PDE6G: variants seen among roughly 807,000 people sequenced by gnomAD.
The protein encoded by PDE6G is phosphodiesterase 6G, also known as rod cGMP 3',5'-cyclic phosphodiesterase subunit gamma.
A neutral mutation model predicts 10.9 loss-of-function variants in PDE6G; 10 were observed. That is an observed-to-expected ratio of 0.91 (90% CI 0.56 to 1.55). The LOEUF (loss-of-function observed/expected upper bound fraction) is 1.55. Among genes scored for constraint, PDE6G ranks in the 40% most tolerant of loss-of-function variants. The pLI is 0.00. For synonymous variants in PDE6G, 41 were observed against 42.8 expected, an observed-to-expected ratio of 0.96 and a Z score of 0.16; for missense variants, 102 against 110.1, an observed-to-expected ratio of 0.93 and a Z score of 0.33.
At chr17:81,660,800 G>A (rs1484122616), upstream of PDE6G, among the ~76,000 whole-genome samples, 1 of 152,182 alleles carries the variant, frequency 6.6e-6, no homozygotes, top group South Asian at 2.1e-4. Flanking sequence ...CCGGACATAC[G>A]TAGTTTTTTG....
In PDE6G at chr17:81,653,330, G is replaced by A; in HGVS notation, c.-25C>T. ...TGGTGAGGCTGACGGAGACACCGCGGCAACCTTGGCTCCTGGACTCCCTCC... is the reference window on the plus strand; with the variant it reads ...TGGTGAGGCTGACGGAGACACCGCGACAACCTTGGCTCCTGGACTCCCTCC... On this transcript the variant is annotated 5_prime_UTR_variant, in exon 2 of 4. Coordinates refer to ENST00000331056, the MANE Select transcript of PDE6G (RefSeq NM_002602.4). This position sits in a 1 kb window ranked among gnomAD's most constrained non-coding sequence, Gnocchi z 5.2. 1 of 1,609,102 alleles carries A rather than the reference G, an allele frequency of 6.2e-7. No homozygotes were observed.
upstream of PDE6G, among the ~76,000 whole-genome samples, chr17:81,657,707 C>G (rs529460052): frequency 8.9e-4 from 135 of 151,678 alleles, no homozygotes; most frequent in Non-Finnish European, 7.1e-4. Context: ...GGTGAAACCC[C>G]GACTCTACTA....
upstream of PDE6G, among the ~76,000 whole-genome samples, chr17:81,658,033 C>A (rs1205617390): frequency 6.6e-6 from 1 of 150,444 alleles, no homozygotes; most frequent in Non-Finnish European, 1.5e-5. Flanking sequence ...GAGACCCCCC[C>A]ATCTCTACAA....
At chr17:81,655,059 C>T (rs927221282) in intron 1 of PDE6G, among the ~76,000 whole-genome samples, 1 of 152,136 alleles carries the variant, frequency 6.6e-6, no homozygotes, top group Non-Finnish European at 1.5e-5. Flanking sequence ...GCCCGGCCAA[C>T]CCCTCTGATT....
upstream of PDE6G, among the ~76,000 whole-genome samples, chr17:81,657,876 G>A (rs2036468158): frequency 6.8e-6 from 1 of 147,126 alleles, no homozygotes. Context: ...GCGAGATTCT[G>A]TTTCAAATGA....
Position 81,653,807 on chromosome 17 carries a change from T to G in PDE6G, c.-59-443A>C, listed in dbSNP as rs373784554. On this transcript the variant is annotated intron_variant, in intron 1 of 3. Transcript: ENST00000331056. The surrounding 1 kb of genome is among the most constrained non-coding windows in gnomAD (Gnocchi z 5.2). ...GCATTTAACTGCTACTCTGGGTTTT[T>G]TTTTGTTTTGTTTTGTTTTTGAGAC... is the stretch of plus-strand genomic sequence containing the variant. The G allele has an allele frequency of 2.7e-4, 45 of 164,400 alleles. No individual in the cohort carries two copies. Among genetic ancestry groups the G allele is most frequent in the South Asian group, 4.8e-4 (3 of 6,282 alleles). 10.2% of individuals were successfully genotyped at this position (164,400 alleles called of 1,614,324 possible).
rs745809729 is a variant in PDE6G at position 81,653,252 on chromosome 17, C to T, written c.54G>A (p.Gly18=). Residue 18 remains glycine (G), a synonymous_variant, in exon 2 of 4, where the codon GGG becomes GGA. Transcript: ENST00000331056. The surrounding 1 kb of genome is among the most constrained non-coding windows in gnomAD (Gnocchi z 5.2). ...AEFRSATRVA[G]GPVTPRKGPP... is the part of the protein sequence containing the mutation. The stretch of plus-strand genomic sequence containing the variant: ...GCCCTTTCCTGGGGGTGACAGGTCC[C>T]CCGGCCACCCTGGTGGCTGACCGGA... 3 of 1,614,076 alleles carry T rather than the reference C, an allele frequency of 1.9e-6. No individual in the cohort carries two copies. The highest frequency in any genetic ancestry group is 1.1e-5 in the South Asian group (1 of 91,074).
At chr17:81,652,518 C>A (rs942836388) in intron 2 of PDE6G, among the ~76,000 whole-genome samples, 32 of 152,086 alleles carry the variant, frequency 2.1e-4, no homozygotes, top group African/African-American at 7.5e-4. Flanking sequence ...ACCTCGTGAT[C>A]CGCCCGCCTC....
chr17:81,660,085 CAAAAAAAGAAAAG>C (rs368512366), upstream of PDE6G, among the ~76,000 whole-genome samples: 14,561 of 151,434 alleles, frequency 0.096, 909 homozygotes, highest in Middle Eastern at 0.19. Flanking sequence ...AACTTCATCT[CAAAAAAAGAAAAG>C]AAAAAAAGAA....
chr17:81,652,090 G>A (rs572604659), intron 2 of PDE6G, among the ~76,000 whole-genome samples: 12 of 152,276 alleles, frequency 7.9e-5, no homozygotes, highest in African/African-American at 2.6e-4. Context: ...TGTCATGCCC[G>A]TGTGTGCGCA....
At chr17:81,659,743 A>T, upstream of PDE6G, among the ~76,000 whole-genome samples, 1 of 152,172 alleles carries the variant, frequency 6.6e-6, no homozygotes, top group East Asian at 1.9e-4. Flanking sequence ...TACCAGGTAC[A>T]ATTTTAGCCC....
At chr17:81,659,903 A>G (rs1160772591), upstream of PDE6G, among the ~76,000 whole-genome samples, 1 of 152,114 alleles carries the variant, frequency 6.6e-6, no homozygotes, top group Non-Finnish European at 1.5e-5. Flanking sequence ...CCTGACCAAC[A>G]TGGAGAAGAC....
chr17:81,651,799 A>G lies in PDE6G; in HGVS notation c.147-114T>C. On this transcript the variant is annotated intron_variant, in intron 2 of 3. Transcript: ENST00000331056. This position sits in a 1 kb window ranked among gnomAD's most constrained non-coding sequence, Gnocchi z 4.8. ...AGATGAGGTGTTTGGCTGGGAGCCC[A>G]GTGGGCAGAGACCCGCCTCCTCCCC... 1.7e-6 allele frequency: 2 copies of G among 1,183,676 alleles called. No individual in the cohort carries two copies. The allele number at this position is 1,183,676 out of a possible 1,614,324, so 73.3% of individuals were successfully genotyped here. A position where few individuals can be genotyped will look rare whatever the true frequency, so the allele number is the denominator to read the frequency against.
rs556349013 is a variant in PDE6G, at chr17:81,655,650, C to T, written c.-60+843G>A. On this transcript the variant is annotated intron_variant, in intron 1 of 3. Transcript: ENST00000331056. Reference sequence around the variant, plus strand: ...TAATCTCCCATCGAGCTGCTGTCAGCTGCACATGCTGCCGGAAAGTTCTGG... The same window carrying T: ...TAATCTCCCATCGAGCTGCTGTCAGTTGCACATGCTGCCGGAAAGTTCTGG... Among the ~76,000 whole-genome samples the T allele has an allele frequency of 4.7e-4, 71 of 152,368 alleles. No homozygotes were observed. In the East Asian group the frequency reaches 5.2e-3, roughly 11 times the overall value.
At position 81,651,982 on chromosome 17, in the gene PDE6G, G is replaced by C. The variant is rs1471088900; in HGVS notation, c.147-297C>G. On this transcript the variant is annotated intron_variant, in intron 2 of 3. Coordinates refer to ENST00000331056, the MANE Select transcript of PDE6G (RefSeq NM_002602.4). The surrounding 1 kb of genome is among the most constrained non-coding windows in gnomAD (Gnocchi z 4.8). ...CTGGGGGAGTACGGGGGGGTGCGTG[G>C]TTGGTGCATGGTCTGAGTGTAGATT... Among the ~76,000 whole-genome samples, 3 of 152,220 alleles carry C rather than the reference G, an allele frequency of 2.0e-5. No homozygotes were observed. Among genetic ancestry groups the C allele is most frequent in the Non-Finnish European group, 4.4e-5 (3 of 68,032 alleles).
Position 81,656,473 on chromosome 17 carries a change from C to T in PDE6G, c.-60+20G>A, listed in dbSNP as rs778961164. The stretch of plus-strand genomic sequence containing the variant: ...GGGAAGTGGCTGCCAGGAAAGACAG[C>T]GGGGTTGGCCACTACTCACCAAGTG... On this transcript the variant is annotated intron_variant, in intron 1 of 3. Coordinates refer to ENST00000331056, the MANE Select transcript of PDE6G (RefSeq NM_002602.4). 4.0e-6 allele frequency: 3 copies of T among 758,124 alleles called. No individual in the cohort carries two copies. The highest frequency in any genetic ancestry group is 2.7e-5 in the South Asian group (2 of 73,110). 47.0% of individuals were successfully genotyped at this position (758,124 alleles called of 1,614,324 possible).
At chr17:81,659,203 G>C (rs1449351435), upstream of PDE6G, among the ~76,000 whole-genome samples, 1 of 145,934 alleles carries the variant, frequency 6.9e-6, no homozygotes, top group African/African-American at 2.5e-5. Flanking sequence ...TGTCACCTAG[G>C]CTGGAATGCA....
intron 1 of PDE6G, among the ~76,000 whole-genome samples, chr17:81,655,349 A>C (rs1274745949): frequency 6.6e-6 from 1 of 152,190 alleles, no homozygotes; most frequent in African/African-American, 2.4e-5. Flanking sequence ...TTGGGGACGG[A>C]GGGTGCCGGG....
At chr17:81,655,977 G>A (rs925388964) in intron 1 of PDE6G, among the ~76,000 whole-genome samples, 3 of 152,172 alleles carry the variant, frequency 2.0e-5, no homozygotes, top group African/African-American at 7.2e-5. Context: ...ACTGGGACCA[G>A]CACCAGCCTG....
Sources: gnomAD v4.1 joint callset for allele counts (sites outside exome capture counted in the v4.1 genomes callset) on GRCh38, gnomAD v4.1.1 for gene constraint, Gnocchi (gnomAD v3.1) non-coding constraint, MANE v1.5 for transcripts, NCBI Gene and HGNC (gene_info 2026-07-23, HGNC 2026-07-21) for gene names.